Variants in CCDC60 observed in about 807,000 individuals in gnomAD.
CCDC60 encodes the protein coiled-coil domain containing 60.
CCDC60 carries 54 observed loss-of-function variants against 63.5 expected under a neutral mutation model. The ratio of observed to expected loss-of-function variants is 0.85; its 90% CI spans 0.68 to 1.07. The LOEUF is 1.07. CCDC60 is among the 50% of genes least tolerant of loss of function. CCDC60 has a pLI of 0.00. For missense variants in CCDC60, 651 were observed against 684.3 expected (o/e 0.95, Z 0.54); for synonymous variants, 206 against 238.8 (o/e 0.86, Z 1.27).
intron 5 of CCDC60, among the ~76,000 whole-genome samples, chr12:119,489,660 AC>A (rs1951538185): frequency 6.6e-6 from 1 of 152,128 alleles, no homozygotes; most frequent in Non-Finnish European, 1.5e-5. Context: ...AAAGTAAAGA[AC>A]CCTGACTTGA....
intron 1 of CCDC60, chr12:119,387,905 A>G (rs974889732): frequency 6.6e-6 from 1 of 152,212 alleles, no homozygotes; most frequent in African/African-American, 2.4e-5. Flanking sequence ...GCCTATTTGG[A>G]CACATAAGGC....
intron 1 of CCDC60, among the ~76,000 whole-genome samples, chr12:119,419,608 T>G (rs10849660): frequency 0.21 from 31,294 of 152,088 alleles, 3,941 homozygotes; most frequent in East Asian, 0.52. Context: ...CATCTTCTCA[T>G]TCATTCAGCA....
intron 2 of CCDC60, among the ~76,000 whole-genome samples, chr12:119,446,828 T>C (rs1950552561): frequency 6.6e-6 from 1 of 152,152 alleles, no homozygotes; most frequent in African/African-American, 2.4e-5. Flanking sequence ...GAAAAGATAA[T>C]AGGCAATAAT....
At chr12:119,376,714 A>G (rs371331849) in intron 1 of CCDC60, among the ~76,000 whole-genome samples, 16 of 152,304 alleles carry the variant, frequency 1.1e-4, no homozygotes, top group South Asian at 8.3e-4. Context: ...CGTCTGGTTC[A>G]TTCCCAAACC....
chr12:119,433,256 A>T (rs1485699624), intron 2 of CCDC60: 4 of 614,234 alleles, frequency 6.5e-6, no homozygotes, highest in African/African-American at 5.5e-5. Flanking sequence ...GAGGGGATTA[A>T]TTATTAATAA....
rs956733044 is a variant in CCDC60, at chr12:119,345,254, A to G, written c.90+9988A>G. On this transcript the variant is annotated intron_variant, in intron 1 of 13. Transcript: ENST00000327554. ...CACGGTGGCTCATGCCCGTAATCCCAGCACTTTGGGAAGCCAAAGCAGGCG... is the reference window on the plus strand; with the variant it reads ...CACGGTGGCTCATGCCCGTAATCCCGGCACTTTGGGAAGCCAAAGCAGGCG... Among the ~76,000 whole-genome samples, 22 of 152,216 alleles carry G rather than the reference A, an allele frequency of 1.4e-4. 1 individual carries two copies. Among genetic ancestry groups the G allele is most frequent in the African/African-American group, 5.3e-4 (22 of 41,458 alleles).
At chr12:119,406,543 C>G (rs1397966628) in intron 1 of CCDC60, among the ~76,000 whole-genome samples, 3 of 152,120 alleles carry the variant, frequency 2.0e-5, no homozygotes, top group Admixed American at 2.0e-4. Context: ...TCATACTCCT[C>G]GCATACATTG....
At chr12:119,353,514 A>ATT (rs1286594318) in intron 1 of CCDC60, among the ~76,000 whole-genome samples, 1 of 133,712 alleles carries the variant, frequency 7.5e-6, no homozygotes, top group Non-Finnish European at 1.6e-5. Flanking sequence ...CTCTGTCTGT[A>ATT]TTTCTCTCTC....
In CCDC60 at chr12:119,540,629, A is replaced by G. The variant is rs1381566327; in HGVS notation, c.1567A>G (p.Ile523Val). 9.9e-6 allele frequency: 16 copies of G among 1,613,886 alleles called. No homozygotes were observed. In the East Asian group the frequency reaches 3.3e-4, roughly 34 times the overall value. ...AVAIEFVREH[I>V]IHMPQEDYIS... ...TGCCTCACAGTTTGTGCGAGAACAC[A>G]TCATCCATATGCCTCAAGAGGATTA... is the stretch of plus-strand genomic sequence containing the variant. The change falls in exon 14 of 14, where the codon ATC (isoleucine) becomes GTC (valine). Residue 523 changes from isoleucine (I) to valine (V), a missense_variant. Ile to Val is a conservative substitution (Grantham distance 29). Transcript: ENST00000327554.
intron 6 of CCDC60, among the ~76,000 whole-genome samples, chr12:119,503,962 A>C (rs1343768700): frequency 2.0e-5 from 3 of 152,178 alleles, no homozygotes; most frequent in Non-Finnish European, 4.4e-5. Context: ...TGCTCAGATA[A>C]AATTATTTCT....
chr12:119,434,354 A>G (rs1950289234), intron 2 of CCDC60, among the ~76,000 whole-genome samples: 1 of 150,618 alleles, frequency 6.6e-6, no homozygotes, highest in South Asian at 2.1e-4. Context: ...TTTTTTTTTG[A>G]CAAATGTTTA....
At chr12:119,491,614 C>T (rs749694871) in intron 5 of CCDC60, among the ~76,000 whole-genome samples, 1 of 152,214 alleles carries the variant, frequency 6.6e-6, no homozygotes, top group Non-Finnish European at 1.5e-5. Flanking sequence ...AGGCATGAGC[C>T]ACTGTGCCCG....
intron 1 of CCDC60, among the ~76,000 whole-genome samples, chr12:119,342,757 T>C (rs145440557): frequency 5.3e-5 from 8 of 152,182 alleles, no homozygotes; most frequent in Admixed American, 1.3e-4. Context: ...ATAAAGAAAA[T>C]CAAATGAGAC....
intron 5 of CCDC60, 97 bp downstream of exon 5, chr12:119,488,963 G>A (rs1951520138): frequency 1.0e-6 from 1 of 998,978 alleles, no homozygotes; most frequent in Non-Finnish European, 1.6e-6. Flanking sequence ...GCTGTTTTTG[G>A]TAGGTGGGCT....
intron 1 of CCDC60, among the ~76,000 whole-genome samples, chr12:119,344,830 C>CTT (rs1955570308): frequency 7.5e-6 from 1 of 132,526 alleles, no homozygotes; most frequent in Non-Finnish European, 1.6e-5. Flanking sequence ...CTCTCTCTCT[C>CTT]TCTCTTTCTC....
At chr12:119,511,641 C>G (rs1952216952) in intron 7 of CCDC60, among the ~76,000 whole-genome samples, 1 of 152,170 alleles carries the variant, frequency 6.6e-6, no homozygotes. Context: ...CTTAGACAGG[C>G]TGGGCATGGA....
chr12:119,350,865 C>T (rs1955649637), intron 1 of CCDC60, among the ~76,000 whole-genome samples: 1 of 152,186 alleles, frequency 6.6e-6, no homozygotes, highest in Non-Finnish European at 1.5e-5. Flanking sequence ...GTTGCTGTTT[C>T]TGCCTTTGGT....
intron 1 of CCDC60, among the ~76,000 whole-genome samples, chr12:119,372,681 C>G (rs191226045): frequency 9.9e-5 from 15 of 152,112 alleles, no homozygotes; most frequent in Admixed American, 7.9e-4. Context: ...TGAGTCCCCC[C>G]GCCTTATCAG....
At chr12:119,477,555 G>A (rs1951201976) in intron 3 of CCDC60, among the ~76,000 whole-genome samples, 1 of 152,368 alleles carries the variant, frequency 6.6e-6, no homozygotes, top group East Asian at 1.9e-4. Flanking sequence ...CCCCAGCTCA[G>A]AGAAGAGGTT....
Sources: gnomAD v4.1 joint callset for allele counts (sites outside exome capture counted in the v4.1 genomes callset) on GRCh38, gnomAD v4.1.1 for gene constraint, MANE v1.5 for transcripts, NCBI Gene and HGNC (gene_info 2026-07-23, HGNC 2026-07-21) for gene names.